The following STIM1 variants were observed in gnomAD, a reference collection of about 807,000 sequenced individuals.
STIM1 encodes stromal interaction molecule 1.
A neutral mutation model predicts 74.7 loss-of-function variants in STIM1; 25 were observed. That is an observed-to-expected ratio of 0.33 (90% CI 0.24 to 0.47). The LOEUF is 0.47. Among genes scored for constraint, STIM1 ranks in the 20% least tolerant of loss-of-function variants. The probability of loss-of-function intolerance (pLI) is 1.00; values close to 1 mark genes in which losing one functional copy is unlikely to be tolerated. For missense variants in STIM1, 728 were observed against 920.8 expected (o/e 0.79, Z 2.71); for synonymous variants, 328 against 348.8 (o/e 0.94, Z 0.66).
intron 1 of STIM1, among the ~76,000 whole-genome samples, chr11:3,951,004 G>A (rs987666473): frequency 6.6e-6 from 1 of 152,206 alleles, no homozygotes; most frequent in African/African-American, 2.4e-5. Flanking sequence ...CAGAGACAGG[G>A]CGAATAGTGA....
At chr11:3,879,634 C>T (rs2091428069) in intron 1 of STIM1, among the ~76,000 whole-genome samples, 1 of 152,180 alleles carries the variant, frequency 6.6e-6, no homozygotes, top group African/African-American at 2.4e-5. Context: ...TTATTGTAAA[C>T]AAATTCAAAG....
At chr11:3,973,066 C>T (rs1036874356) in intron 2 of STIM1, 1 of 444,998 alleles carries the variant, frequency 2.2e-6, no homozygotes, top group Admixed American at 2.5e-5. Context: ...GTAGCCACTG[C>T]CCTGATTTCC....
chr11:4,065,573 T>C (rs2094360300), intron 5 of STIM1, among the ~76,000 whole-genome samples: 1 of 152,098 alleles, frequency 6.6e-6, no homozygotes, highest in Admixed American at 6.6e-5. Flanking sequence ...AGCACCCAGC[T>C]TAAGATCTAG....
chr11:3,865,481 T>C (rs1415087327), intron 1 of STIM1, among the ~76,000 whole-genome samples: 1 of 152,202 alleles, frequency 6.6e-6, no homozygotes, highest in Non-Finnish European at 1.5e-5. Context: ...CAATTAGGGA[T>C]ATACAAAGTC....
At chr11:3,893,272 A>G (rs963863409) in intron 1 of STIM1, among the ~76,000 whole-genome samples, 1 of 152,170 alleles carries the variant, frequency 6.6e-6, no homozygotes, top group Non-Finnish European at 1.5e-5. Context: ...ATAGATGGAC[A>G]GGGATGCTCA....
At chr11:3,924,330 C>T (rs767719039) in intron 1 of STIM1, among the ~76,000 whole-genome samples, 16 of 151,532 alleles carry the variant, frequency 1.1e-4, no homozygotes, top group Non-Finnish European at 2.1e-4. Context: ...TTCCAAGTAG[C>T]TGGGACTACA....
At chr11:3,889,461 G>T (rs888519984) in intron 1 of STIM1, among the ~76,000 whole-genome samples, 1 of 151,292 alleles carries the variant, frequency 6.6e-6, no homozygotes, top group South Asian at 2.1e-4. Flanking sequence ...TTCACCTCCT[G>T]GGTCCAAGCG....
In STIM1 at chr11:3,989,808, G is replaced by A. The variant is rs559109055; in HGVS notation, c.270+22126G>A. ...CGACAGAGACCATATGGACCACCAG[G>A]CCTAAAATATTTACTGTCTGACTCT... is the stretch of plus-strand genomic sequence containing the variant. On this transcript the variant is annotated intron_variant, in intron 2 of 12. Coordinates refer to ENST00000526596, the MANE Select transcript of STIM1 (RefSeq NM_001382567.1). Among the ~76,000 whole-genome samples the A allele has an allele frequency of 2.5e-3, 388 of 152,204 alleles. 4 individuals carry two copies. The highest frequency in any genetic ancestry group is 7.7e-3 in the African/African-American group (318 of 41,528).
At position 4,062,496 on chromosome 11, in the gene STIM1, A is replaced by C. The variant is rs143451425; in HGVS notation, c.613+3100A>C. ...AATTAGCCGGGTGTGGTGGCACATG[A>C]CTGTAATCCTAGCTACTCAGGAGGT... On this transcript the variant is annotated intron_variant, in intron 5 of 12. Coordinates refer to ENST00000526596, the MANE Select transcript of STIM1 (RefSeq NM_001382567.1). Among the ~76,000 whole-genome samples the C allele has an allele frequency of 2.3e-3, 352 of 152,206 alleles. 3 individuals are homozygous for C. Among genetic ancestry groups the C allele is most frequent in the African/African-American group, 8.0e-3 (333 of 41,536 alleles).
chr11:3,998,952 T>A (rs74969219), intron 2 of STIM1, among the ~76,000 whole-genome samples: 4 of 152,242 alleles, frequency 2.6e-5, no homozygotes, highest in Non-Finnish European at 4.4e-5. Flanking sequence ...TTGATAGCCA[T>A]AGAGTCTCTG....
chr11:4,084,803 CTT>C lies in STIM1; in HGVS notation c.1567+40_1567+41del, dbSNP rs755939592. 7.8e-6 allele frequency: 10 copies of C among 1,283,180 alleles called. No individual in the cohort carries two copies. In the South Asian group the frequency reaches 1.2e-4, roughly 16 times the overall value. The allele number at this position is 1,283,180 out of a possible 1,614,324, so 79.5% of individuals were successfully genotyped here. On this transcript the variant is annotated intron_variant, in intron 11 of 12. Coordinates refer to ENST00000526596, the MANE Select transcript of STIM1 (RefSeq NM_001382567.1). The stretch of plus-strand genomic sequence containing the variant: ...CCTTTGGGGCATTTTGTTTTTCTGA[CTT>C]TCGGGACTAAATCAACACTCTTACC...
intron 1 of STIM1, among the ~76,000 whole-genome samples, chr11:3,918,948 A>G (rs1242216506): frequency 6.6e-6 from 1 of 152,216 alleles, no homozygotes; most frequent in Non-Finnish European, 1.5e-5. Context: ...ATTCTACTTG[A>G]AGTAGATATT....
intron 2 of STIM1, among the ~76,000 whole-genome samples, chr11:3,980,546 G>A (rs1003934858): frequency 2.0e-5 from 3 of 150,226 alleles, no homozygotes; most frequent in Admixed American, 6.7e-5. Flanking sequence ...GGTTGAGACA[G>A]GAGGATCGCT....
In STIM1 at chr11:4,092,744, G is replaced by A. The variant is rs908737187; in HGVS notation, c.*946G>A. The A allele has an allele frequency of 5.9e-5, 9 of 152,084 alleles. No homozygotes were observed. The highest frequency in any genetic ancestry group is 2.2e-4 in the African/African-American group (9 of 41,406). The allele number at this position is 152,084 out of a possible 1,614,324, so 9.4% of individuals were successfully genotyped here. ...TTGGGCAAGGATGCTGTCATTTTTT[G>A]AACCAAAAGACAAACAGGTTAAAAG... On this transcript the variant is annotated 3_prime_UTR_variant, in exon 13 of 13. Coordinates refer to ENST00000526596, the MANE Select transcript of STIM1 (RefSeq NM_001382567.1).
chr11:3,898,060 C>G (rs944392141), intron 1 of STIM1, among the ~76,000 whole-genome samples: 13 of 152,172 alleles, frequency 8.5e-5, no homozygotes, highest in African/African-American at 2.7e-4. Context: ...AATGGTATTT[C>G]TAGTTCTAGA....
intron 3 of STIM1, among the ~76,000 whole-genome samples, chr11:4,047,600 A>G (rs2094203363): frequency 6.6e-6 from 1 of 152,156 alleles, no homozygotes; most frequent in Non-Finnish European, 1.5e-5. Context: ...TGGGTGGCAG[A>G]GCAAGACCCT....
chr11:4,073,892 C>A (rs1168498564), intron 6 of STIM1, among the ~76,000 whole-genome samples: 2 of 135,928 alleles, frequency 1.5e-5, no homozygotes, highest in African/African-American at 5.2e-5. Flanking sequence ...GCTCAGGAGT[C>A]CAAGAGGACT....
rs533698531 is a variant in STIM1 at position 3,943,712 on chromosome 11, G to A, written c.140-23840G>A. ...AGCCCAGGAGTTTGAGGCTAGCCTG[G>A]GCAACAGGAGAGACTCTGTCTCTGC... On this transcript the variant is annotated intron_variant, in intron 1 of 12. Coordinates refer to ENST00000526596, the MANE Select transcript of STIM1 (RefSeq NM_001382567.1). Among the ~76,000 whole-genome samples the A allele has an allele frequency of 2.0e-5, 3 of 152,210 alleles. No homozygotes were observed. The South Asian group carries it at 6.2e-4, about 32-fold the overall frequency.
At chr11:3,937,567 CTG>C (rs988489317) in intron 1 of STIM1, among the ~76,000 whole-genome samples, 14 of 152,092 alleles carry the variant, frequency 9.2e-5, no homozygotes, top group African/African-American at 3.4e-4. Flanking sequence ...AATGTGGTTT[CTG>C]TATTTACTGT....
Sources: gnomAD v4.1 joint callset for allele counts (sites outside exome capture counted in the v4.1 genomes callset) on GRCh38, gnomAD v4.1.1 for gene constraint, MANE v1.5 for transcripts, NCBI Gene and HGNC (gene_info 2026-07-23, HGNC 2026-07-21) for gene names.